The following ROBO2 variants were observed in gnomAD, a reference collection of about 807,000 sequenced individuals.
The protein encoded by ROBO2 is roundabout homolog 2.
In ROBO2, 53 loss-of-function variants were observed where a neutral mutation model predicts 160.8. The ratio of observed to expected loss-of-function variants is 0.33; its 90% CI spans 0.26 to 0.41. ROBO2 has a LOEUF of 0.41. Ranked by LOEUF, ROBO2 falls within the 10% of genes least tolerant of loss-of-function variation. The pLI is 1.00. For missense variants in ROBO2, 1,577 were observed against 1,722.4 expected (o/e 0.92, Z 1.49); for synonymous variants, 664 against 611.7 (o/e 1.09, Z -1.26).
At chr3:77,439,708 G>T (rs1453240422) in intron 2 of ROBO2, among the ~76,000 whole-genome samples, 1 of 152,088 alleles carries the variant, frequency 6.6e-6, no homozygotes, top group African/African-American at 2.4e-5. Flanking sequence ...AATCAACTTT[G>T]ACAGTCCCAT....
chr3:76,345,947 T>A (rs2074503351), intron 2 of ROBO2, among the ~76,000 whole-genome samples: 1 of 152,136 alleles, frequency 6.6e-6, no homozygotes, highest in Admixed American at 6.6e-5. Context: ...AGTCATTTTT[T>A]ATTCCCAACT....
rs184372282 is a variant in ROBO2 at position 77,008,168 on chromosome 3, C to G, written c.110-89846C>G. Among the ~76,000 whole-genome samples, 27 of 151,978 alleles carry G rather than the reference C, an allele frequency of 1.8e-4. 1 individual carries two copies. On this transcript the variant is annotated intron_variant, in intron 2 of 26. Coordinates refer to the ROBO2 transcript ENST00000487694. Reference sequence around the variant, plus strand: ...GAATATTACTCTACGAATTGTTCCCCAGAAAAAAAGAAGTTCGGTTTCTTG... The same window carrying G: ...GAATATTACTCTACGAATTGTTCCCGAGAAAAAAAGAAGTTCGGTTTCTTG...
intron 2 of ROBO2, among the ~76,000 whole-genome samples, chr3:76,689,048 AATAC>A (rs1443410544): frequency 1.3e-5 from 2 of 152,110 alleles, no homozygotes; most frequent in Admixed American, 6.6e-5. Flanking sequence ...ATTGAAAAAT[AATAC>A]ATAATGTTAA....
chr3:76,568,220 T>G (rs570118875), intron 2 of ROBO2, among the ~76,000 whole-genome samples: 1 of 152,252 alleles, frequency 6.6e-6, no homozygotes, highest in Non-Finnish European at 1.5e-5. Flanking sequence ...TCGACATCTA[T>G]TTTTATTTTC....
chr3:76,875,713 G>C (rs1028959230), intron 2 of ROBO2, among the ~76,000 whole-genome samples: 5 of 152,004 alleles, frequency 3.3e-5, no homozygotes, highest in African/African-American at 1.2e-4. Flanking sequence ...AGAGTGCAGT[G>C]GTGCCATCTC....
At chr3:76,837,125 C>T (rs975029301) in intron 2 of ROBO2, among the ~76,000 whole-genome samples, 5 of 151,960 alleles carry the variant, frequency 3.3e-5, no homozygotes, top group Middle Eastern at 3.4e-3. Context: ...TTTATTACAA[C>T]GTTTTCCTAT....
chr3:76,305,090 C>T (rs903530023), intron 2 of ROBO2, among the ~76,000 whole-genome samples: 3 of 151,912 alleles, frequency 2.0e-5, no homozygotes, highest in Non-Finnish European at 4.4e-5. Flanking sequence ...CTGTGGTCAT[C>T]TTGGGAGCTT....
intron 2 of ROBO2, among the ~76,000 whole-genome samples, chr3:77,131,606 A>C (rs533624142): frequency 6.6e-6 from 1 of 152,298 alleles, no homozygotes; most frequent in African/African-American, 2.4e-5. Context: ...GTAACCTTCA[A>C]GAATCCATAA....
intron 2 of ROBO2, among the ~76,000 whole-genome samples, chr3:76,862,393 T>A (rs2070881640): frequency 6.6e-6 from 1 of 152,056 alleles, no homozygotes; most frequent in South Asian, 2.1e-4. Flanking sequence ...AGAAAAACTT[T>A]CAGATTTTAA....
chr3:76,826,211 C>A (rs1421519922), intron 2 of ROBO2, among the ~76,000 whole-genome samples: 1 of 152,056 alleles, frequency 6.6e-6, no homozygotes, highest in Non-Finnish European at 1.5e-5. Context: ...AGCCTGCCAG[C>A]ATTGGAAATT....
At chr3:76,330,850 G>A (rs62261441) in intron 2 of ROBO2, among the ~76,000 whole-genome samples, 15,810 of 152,234 alleles carry the variant, frequency 0.1, 900 homozygotes, top group African/African-American at 0.13. Flanking sequence ...AGCAGTTGAT[G>A]AGGAACATTT....
intron 2 of ROBO2, among the ~76,000 whole-genome samples, chr3:77,413,886 G>A (rs767306708): frequency 1.3e-5 from 2 of 152,122 alleles, no homozygotes; most frequent in South Asian, 4.1e-4. Context: ...CTGTAATGTA[G>A]GCAGTTGGAT....
intron 2 of ROBO2, among the ~76,000 whole-genome samples, chr3:76,304,872 A>G (rs2071259536): frequency 6.7e-6 from 1 of 149,384 alleles, no homozygotes; most frequent in South Asian, 2.1e-4. Flanking sequence ...ATTTTTCTCG[A>G]TGTATATATG....
chr3:77,344,508 C>G (rs1051366371), intron 2 of ROBO2, among the ~76,000 whole-genome samples: 1 of 152,076 alleles, frequency 6.6e-6, no homozygotes, highest in Non-Finnish European at 1.5e-5. Context: ...TCCCTTCTAC[C>G]AGGTGAGGAC....
At chr3:77,148,633 C>A (rs2077301506) in intron 2 of ROBO2, among the ~76,000 whole-genome samples, 4 of 152,162 alleles carry the variant, frequency 2.6e-5, no homozygotes, top group Non-Finnish European at 5.9e-5. Context: ...ACTAATATTG[C>A]AGCCAATTTT....
chr3:77,488,742 G>T (rs1182051922), intron 4 of ROBO2, among the ~76,000 whole-genome samples: 1 of 152,118 alleles, frequency 6.6e-6, no homozygotes, highest in Non-Finnish European at 1.5e-5. Flanking sequence ...TCTGAAAGGG[G>T]CTTGGCTTTG....
intron 2 of ROBO2, among the ~76,000 whole-genome samples, chr3:76,483,758 C>A (rs141078559): frequency 0.01 from 1,532 of 152,188 alleles, 18 homozygotes; most frequent in Middle Eastern, 0.034. Flanking sequence ...TGCTATTTCC[C>A]TATGTGTCCA....
intron 2 of ROBO2, among the ~76,000 whole-genome samples, chr3:76,875,050 A>C (rs1403050548): frequency 6.6e-6 from 1 of 152,214 alleles, no homozygotes; most frequent in Non-Finnish European, 1.5e-5. Context: ...TGGGGCCTGA[A>C]GAAGTGATTA....
At chr3:77,188,288 C>T (rs2081472139) in intron 2 of ROBO2, among the ~76,000 whole-genome samples, 1 of 145,516 alleles carries the variant, frequency 6.9e-6, no homozygotes, top group Non-Finnish European at 1.5e-5. Flanking sequence ...GATATTTTTC[C>T]AACCAAAGGA....
Sources: gnomAD v4.1 joint callset for allele counts (sites outside exome capture counted in the v4.1 genomes callset) on GRCh38, gnomAD v4.1.1 for gene constraint, MANE v1.5 for transcripts, NCBI Gene and HGNC (gene_info 2026-07-23, HGNC 2026-07-21) for gene names.